PHKA1: variants seen among roughly 807,000 people sequenced by gnomAD.
The protein encoded by PHKA1 is phosphorylase b kinase regulatory subunit alpha, skeletal muscle isoform.
In PHKA1, 60 loss-of-function variants were observed where a neutral mutation model predicts 110.2. The ratio of observed to expected loss-of-function variants is 0.54; its 90% CI spans 0.44 to 0.68. PHKA1 has a LOEUF of 0.68. Ranked by LOEUF, PHKA1 falls within the 30% of genes least tolerant of loss-of-function variation. The pLI is 0.00. For missense variants in PHKA1, 801 were observed against 942.5 expected (o/e 0.85, Z 1.97); for synonymous variants, 316 against 333.6 (o/e 0.95, Z 0.58).
chrX:72,609,848 A>G (rs782018555), intron 22 of PHKA1, 145 bp from the exon 23 acceptor site: 1 of 496,003 alleles, frequency 2.0e-6, no homozygotes, highest in Non-Finnish European at 3.6e-6. Flanking sequence ...TGAAGATCAG[A>G]AAAGAAGGAT....
At chrX:72,700,996 T>TA (rs1298010718) in intron 3 of PHKA1, among the ~76,000 whole-genome samples, 1 of 112,738 alleles carries the variant, frequency 8.9e-6, no homozygotes, top group Non-Finnish European at 1.9e-5. Flanking sequence ...TATACTGCCA[T>TA]AAAAAAGATT....
intron 2 of PHKA1, among the ~76,000 whole-genome samples, chrX:72,709,010 T>A (rs1603277016): frequency 9.0e-6 from 1 of 111,354 alleles, no homozygotes; most frequent in Non-Finnish European, 1.9e-5. Context: ...TTGTAGTTTG[T>A]TTTTAGTTGG....
Position 72,705,254 on chromosome X carries a change from A to G in PHKA1, c.238-9T>C. On this transcript the variant is annotated splice_polypyrimidine_tract_variant and intron_variant, in intron 2 of 31. Coordinates refer to ENST00000373542, the MANE Select transcript of PHKA1 (RefSeq NM_002637.4). ...ATCAGCTTCACTACACTCTGCAGAA[A>G]TAAATGGAAACAAGACAGTTATAAA... The G allele has an allele frequency of 8.5e-7, 1 of 1,176,262 alleles. No homozygotes were observed. Among genetic ancestry groups the G allele is most frequent in the South Asian group, 1.8e-5 (1 of 56,097 alleles).
At chrX:72,604,901 A>C (rs2052706325) in intron 25 of PHKA1, among the ~76,000 whole-genome samples, 1 of 111,766 alleles carries the variant, frequency 8.9e-6, no homozygotes, top group African/African-American at 3.3e-5. Flanking sequence ...ACCATGATCC[A>C]CTGATGTAGT....
Position 72,614,714 on chromosome X carries a change from G to A in PHKA1, c.2370-3530C>T, listed in dbSNP as rs189996930. Among the ~76,000 whole-genome samples the A allele has an allele frequency of 3.6e-5, 4 of 111,668 alleles. No individual in the cohort carries two copies. In the East Asian group the frequency reaches 1.1e-3, roughly 31 times the overall value. ...TAAAAGTTGAAAGTCAAATCATAGA[G>A]GATTTAGATTTGGCCAATGATTCCC... is the stretch of plus-strand genomic sequence containing the variant. On this transcript the variant is annotated intron_variant, in intron 21 of 31. Transcript: ENST00000373542.
intron 4 of PHKA1, among the ~76,000 whole-genome samples, chrX:72,687,698 TTC>T (rs782789517): frequency 8.1e-5 from 9 of 111,695 alleles, no homozygotes; most frequent in Non-Finnish European, 9.4e-5. Context: ...TAAAAAAAAC[TTC>T]TTTCTCTATT....
chrX:72,667,351 T>C, intron 7 of PHKA1, 24 bp downstream of exon 7: 1 of 1,114,128 alleles, frequency 9.0e-7, no homozygotes, highest in South Asian at 1.8e-5. Flanking sequence ...AAATTTGCTA[T>C]TTCCATTTTC....
chrX:72,640,594 A>T (rs782211168), intron 14 of PHKA1, among the ~76,000 whole-genome samples: 6 of 111,980 alleles, frequency 5.4e-5, no homozygotes, highest in Non-Finnish European at 1.1e-4. Context: ...GATTGGAAAC[A>T]AATATGCCAA....
intron 13 of PHKA1, among the ~76,000 whole-genome samples, chrX:72,647,676 G>A (rs1355520717): frequency 2.7e-5 from 3 of 111,055 alleles, no homozygotes; most frequent in Non-Finnish European, 5.7e-5. Context: ...TATAGGAGGT[G>A]AGATCATCTT....
At chrX:72,682,945 A>T (rs1556317451) in intron 5 of PHKA1, among the ~76,000 whole-genome samples, 3 of 104,298 alleles carry the variant, frequency 2.9e-5, no homozygotes, top group African/African-American at 7.0e-5. Flanking sequence ...AAAAAAAAAA[A>T]AAAAAAAAAA....
chrX:72,621,645 T>C (rs1217626813), intron 18 of PHKA1: 5 of 286,239 alleles, frequency 1.7e-5, no homozygotes, highest in African/African-American at 1.2e-4. Context: ...TTTGATGATA[T>C]TTACTGATCT....
At chrX:72,607,202 T>A (rs1029094604) in intron 23 of PHKA1, among the ~76,000 whole-genome samples, 1 of 112,008 alleles carries the variant, frequency 8.9e-6, no homozygotes, top group East Asian at 2.8e-4. Flanking sequence ...AGATATCTCA[T>A]CAATATACCG....
chrX:72,606,484 G>C (rs782288073), intron 23 of PHKA1, among the ~76,000 whole-genome samples: 2 of 110,991 alleles, frequency 1.8e-5, no homozygotes, highest in Non-Finnish European at 3.8e-5. Flanking sequence ...TCACAAAACT[G>C]ATACAAAAAA....
At chrX:72,700,670 T>C (rs2147834341) in intron 3 of PHKA1, among the ~76,000 whole-genome samples, 1 of 111,964 alleles carries the variant, frequency 8.9e-6, no homozygotes, top group African/African-American at 3.2e-5. Flanking sequence ...AACTTTTTTT[T>C]CATCCATGGA....
intron 5 of PHKA1, among the ~76,000 whole-genome samples, chrX:72,682,143 C>T (rs1603270788): frequency 1.1e-5 from 1 of 91,295 alleles, no homozygotes; most frequent in Non-Finnish European, 2.2e-5. Flanking sequence ...TCTGCCCGGC[C>T]GCCCCTACTG....
chrX:72,670,389 A>G (rs1305510898), intron 6 of PHKA1, among the ~76,000 whole-genome samples: 4 of 111,344 alleles, frequency 3.6e-5, no homozygotes, highest in Non-Finnish European at 7.5e-5. Flanking sequence ...ATTAGATCCC[A>G]TTTGTCAATT....
chrX:72,607,500 T>C (rs1285972795), intron 23 of PHKA1, among the ~76,000 whole-genome samples: 2 of 112,191 alleles, frequency 1.8e-5, no homozygotes, highest in Admixed American at 1.9e-4. Flanking sequence ...TTCATATGCC[T>C]GTTTGCCATT....
intron 28 of PHKA1, among the ~76,000 whole-genome samples, chrX:72,597,282 C>A (rs1198366813): frequency 7.1e-5 from 8 of 112,193 alleles, no homozygotes; most frequent in African/African-American, 2.6e-4. Flanking sequence ...ACTGTACAAA[C>A]GCTATGGTTT....
intron 8 of PHKA1, among the ~76,000 whole-genome samples, chrX:72,661,148 T>A: frequency 8.9e-6 from 1 of 112,546 alleles, no homozygotes; most frequent in Admixed American, 9.4e-5. Context: ...AGTTTGACCC[T>A]TTTTTGGTTG....
Sources: allele counts gnomAD v4.1 joint callset (sites outside exome capture counted in the v4.1 genomes callset), GRCh38; gene constraint gnomAD v4.1.1; transcripts MANE v1.5; gene names NCBI Gene and HGNC (gene_info 2026-07-23, HGNC 2026-07-21).